LTBP1: variants seen among roughly 807,000 people sequenced by gnomAD.
LTBP1 encodes latent transforming growth factor beta binding protein 1, also known as latent-transforming growth factor beta-binding protein 1.
In LTBP1, 129 loss-of-function variants were observed where a neutral mutation model predicts 207.6. That is an observed-to-expected ratio of 0.62 (90% confidence interval 0.54 to 0.72). The LOEUF (loss-of-function observed/expected upper bound fraction) is 0.72, where lower values mean the gene tolerates loss of function less well. LTBP1 is among the 30% of genes least tolerant of loss of function. The pLI is 0.00. For synonymous variants in LTBP1, 963 were observed against 833.7 expected (o/e 1.16, Z -2.67); for missense variants, 2,281 against 2,217.2 (o/e 1.03, Z -0.58).
At chr2:33,190,188 G>C (rs1417078798) in intron 7 of LTBP1, among the ~76,000 whole-genome samples, 3 of 152,064 alleles carry the variant, frequency 2.0e-5, no homozygotes, top group Admixed American at 6.6e-5. Flanking sequence ...AAAAGCGTTG[G>C]TTCCTCCACT....
rs558317943 is a variant in LTBP1, at chr2:33,038,275, C to T, written c.863+17069C>T. The stretch of plus-strand genomic sequence containing the variant: ...CCCAAAGCCCAAACTAAGACAGATG[C>T]GACTCCTCCTGTTCTCTCAGCAGTG... On this transcript the variant is annotated intron_variant, in intron 3 of 33. Transcript: ENST00000404816. 8.5e-5 allele frequency among the ~76,000 whole-genome samples: 13 copies of T among 152,298 alleles called. No individual in the cohort carries two copies. The East Asian group carries it at 1.3e-3, about 16-fold the overall frequency.
At chr2:32,954,247 C>T (rs555886762) in intron 2 of LTBP1, among the ~76,000 whole-genome samples, 1 of 152,306 alleles carries the variant, frequency 6.6e-6, no homozygotes, top group East Asian at 1.9e-4. Context: ...CCTAACTTCA[C>T]ATCATGATTT....
chr2:33,164,961 G>A (rs2084795898), intron 5 of LTBP1, among the ~76,000 whole-genome samples: 1 of 152,234 alleles, frequency 6.6e-6, no homozygotes, highest in African/African-American at 2.4e-5. Flanking sequence ...GTACATAAGA[G>A]TGGTGGTGGG....
chr2:33,025,483 G>C (rs1364526235), intron 3 of LTBP1, among the ~76,000 whole-genome samples: 1 of 152,128 alleles, frequency 6.6e-6, no homozygotes, highest in African/African-American at 2.4e-5. Context: ...GCTTAAACAA[G>C]GCTTAAGAAA....
At chr2:33,236,774 A>G (rs2092072913) in intron 9 of LTBP1, among the ~76,000 whole-genome samples, 1 of 152,252 alleles carries the variant, frequency 6.6e-6, no homozygotes, top group African/African-American at 2.4e-5. Context: ...TAATATCTGT[A>G]GACTACAGTC....
chr2:33,375,709 T>A (rs2095130779), intron 31 of LTBP1, among the ~76,000 whole-genome samples: 1 of 149,792 alleles, frequency 6.7e-6, no homozygotes, highest in South Asian at 2.1e-4. Flanking sequence ...TTTGTATTTT[T>A]TTTTTTTTTT....
intron 31 of LTBP1, among the ~76,000 whole-genome samples, chr2:33,374,622 T>G (rs965579760): frequency 6.6e-6 from 1 of 152,168 alleles, no homozygotes; most frequent in African/African-American, 2.4e-5. Flanking sequence ...ATGGATGTTA[T>G]ATGAAATGGC....
At chr2:33,070,564 C>T (rs439416) in intron 3 of LTBP1, among the ~76,000 whole-genome samples, 56,452 of 152,166 alleles carry the variant, frequency 0.37, 12,113 homozygotes, top group East Asian at 0.59. Context: ...AAGAGAATGC[C>T]TAGACTTGCC....
At position 33,360,721 on chromosome 2, in the gene LTBP1, A is replaced by C; in HGVS notation, c.4125A>C (p.Thr1375=). 3.7e-6 allele frequency: 6 copies of C among 1,614,084 alleles called. No homozygotes were observed. In the East Asian group the frequency reaches 8.9e-5, roughly 24 times the overall value. Residue 1375 remains threonine (T), a synonymous_variant, in exon 27 of 34, where the codon ACA becomes ACC. Coordinates refer to ENST00000404816, the MANE Select transcript of LTBP1 (RefSeq NM_206943.4). The part of the protein sequence containing the change: ...PNVTKQECCC[T]SGVGWGDNCE... ...TCACGAAACAAGAATGCTGCTGTACATCAGGCGTGGGATGGGGAGATAACT... is the reference window on the plus strand; with the variant it reads ...TCACGAAACAAGAATGCTGCTGTACCTCAGGCGTGGGATGGGGAGATAACT...
intron 5 of LTBP1, among the ~76,000 whole-genome samples, chr2:33,169,985 T>C (rs533804204): frequency 2.0e-5 from 3 of 152,098 alleles, no homozygotes; most frequent in Non-Finnish European, 4.4e-5. Context: ...AACTAGTAAA[T>C]TGGTAAAAAT....
At chr2:33,324,231 A>G (rs1399318283) in intron 24 of LTBP1, among the ~76,000 whole-genome samples, 1 of 152,032 alleles carries the variant, frequency 6.6e-6, no homozygotes, top group Non-Finnish European at 1.5e-5. Context: ...GAGAGAGACT[A>G]CAATCACATA....
chr2:33,252,492 C>T (rs111635144), intron 10 of LTBP1, among the ~76,000 whole-genome samples, 185 bp from the exon 11 acceptor site: 1 of 152,094 alleles, frequency 6.6e-6, no homozygotes, highest in African/African-American at 2.4e-5. Context: ...ACTTTTGGTG[C>T]CCTGACTCTA....
chr2:33,040,901 C>G (rs2076150778), intron 3 of LTBP1, among the ~76,000 whole-genome samples: 1 of 152,166 alleles, frequency 6.6e-6, no homozygotes, highest in South Asian at 2.1e-4. Flanking sequence ...AGGATAGCAG[C>G]TCTTTACCAT....
At chr2:33,069,408 C>T (rs538306980) in intron 3 of LTBP1, among the ~76,000 whole-genome samples, 1 of 152,296 alleles carries the variant, frequency 6.6e-6, no homozygotes, top group African/African-American at 2.4e-5. Flanking sequence ...CTTGTCATTC[C>T]CACTTATGAT....
intron 25 of LTBP1, among the ~76,000 whole-genome samples, chr2:33,346,721 A>C (rs1479388394): frequency 6.6e-6 from 1 of 151,614 alleles, no homozygotes; most frequent in African/African-American, 2.4e-5. Flanking sequence ...GTGTTGCGTC[A>C]TTTAAGACTT....
chr2:33,061,854 A>G (rs219080), intron 3 of LTBP1, among the ~76,000 whole-genome samples: 1 of 151,928 alleles, frequency 6.6e-6, no homozygotes, highest in Non-Finnish European at 1.5e-5. Flanking sequence ...TAAGGTAGGT[A>G]TGTGGTTAGC....
chr2:33,115,622 G>C (rs2080699678), intron 4 of LTBP1, among the ~76,000 whole-genome samples: 1 of 152,158 alleles, frequency 6.6e-6, no homozygotes. Context: ...GTCTAGGGAT[G>C]GTGTGGGGTA....
chr2:33,141,839 G>T (rs1241721895), intron 5 of LTBP1, among the ~76,000 whole-genome samples: 1 of 152,104 alleles, frequency 6.6e-6, no homozygotes, highest in African/African-American at 2.4e-5. Flanking sequence ...CCCATCTTGA[G>T]TTTGGGTTCA....
chr2:33,272,767 C>A (rs947510702), intron 15 of LTBP1, among the ~76,000 whole-genome samples: 2 of 152,202 alleles, frequency 1.3e-5, no homozygotes, highest in Non-Finnish European at 2.9e-5. Flanking sequence ...AGCTGTGCCA[C>A]CTTCACTAGG....
Sources: gnomAD v4.1 joint callset for allele counts (sites outside exome capture counted in the v4.1 genomes callset) on GRCh38, gnomAD v4.1.1 for gene constraint, MANE v1.5 for transcripts, NCBI Gene and HGNC (gene_info 2026-07-23, HGNC 2026-07-21) for gene names.